SHTN1: variants seen among roughly 807,000 people sequenced by gnomAD.
SHTN1 encodes the protein shootin 1.
A neutral mutation model predicts 83.1 loss-of-function variants in SHTN1; 42 were observed. That is an observed-to-expected ratio of 0.51 (90% CI 0.39 to 0.65). The LOEUF (loss-of-function observed/expected upper bound fraction) is 0.65. Ranked by LOEUF, SHTN1 falls within the 30% of genes least tolerant of loss-of-function variation. The pLI, the probability that SHTN1 is intolerant of heterozygous loss-of-function variation, is 0.00. For synonymous variants in SHTN1, 224 were observed against 247.7 expected, an observed-to-expected ratio of 0.90 and a Z score of 0.90; for missense variants, 622 against 737.8, an observed-to-expected ratio of 0.84 and a Z score of 1.82.
At chr10:116,911,554 G>C in intron 14 of SHTN1, 1 of 1,550,656 alleles carries the variant, frequency 6.4e-7, no homozygotes. Context: ...AGGAAACAAT[G>C]ACTTTGGTGA....
chr10:116,979,419 G>A lies in SHTN1; in HGVS notation c.59-111C>T. 4.9e-6 allele frequency: 4 copies of A among 810,104 alleles called. No individual in the cohort carries two copies. The South Asian group carries it at 5.8e-5, about 12-fold the overall frequency. The allele number at this position is 810,104 out of a possible 1,614,324, so 50.2% of individuals were successfully genotyped here. A position where few individuals can be genotyped will look rare whatever the true frequency, so the allele number is the denominator to read the frequency against. ...CTTCTTACTAGGTTGAGGTAGGGTGGAGAAGAGGCTGCAGAAAAGGGGCTT... is the reference window on the plus strand; with the variant it reads ...CTTCTTACTAGGTTGAGGTAGGGTGAAGAAGAGGCTGCAGAAAAGGGGCTT... On this transcript the variant is annotated intron_variant, in intron 1 of 16. Coordinates refer to ENST00000355371, the MANE Select transcript of SHTN1 (RefSeq NM_001127211.3).
intron 2 of SHTN1, among the ~76,000 whole-genome samples, chr10:117,047,581 A>T (rs1010300736): frequency 6.6e-6 from 1 of 152,168 alleles, no homozygotes; most frequent in Non-Finnish European, 1.5e-5. Context: ...TAATTCTCAG[A>T]TACAGTAGTT....
At chr10:117,111,474 A>G (rs1041623764) in intron 1 of SHTN1, among the ~76,000 whole-genome samples, 1 of 151,580 alleles carries the variant, frequency 6.6e-6, no homozygotes, top group Admixed American at 6.6e-5. Context: ...TTGTATTTTT[A>G]GTAGAGACGG....
chr10:116,891,425 C>T (rs751349727), intron 16 of SHTN1, among the ~76,000 whole-genome samples: 6 of 152,144 alleles, frequency 3.9e-5, no homozygotes, highest in Admixed American at 1.3e-4. Flanking sequence ...CAACAAATGA[C>T]GCACAGCCGG....
At chr10:117,021,597 A>G (rs1259386081) in intron 2 of SHTN1, among the ~76,000 whole-genome samples, 1 of 152,178 alleles carries the variant, frequency 6.6e-6, no homozygotes, top group Non-Finnish European at 1.5e-5. Context: ...CCACAATCTA[A>G]TTTTAGTGGC....
At chr10:116,899,659 C>T (rs1564865213) in intron 16 of SHTN1, among the ~76,000 whole-genome samples, 2 of 152,108 alleles carry the variant, frequency 1.3e-5, no homozygotes, top group Admixed American at 6.6e-5. Context: ...GCGCCACTCA[C>T]GTGAAACACT....
intron 2 of SHTN1, among the ~76,000 whole-genome samples, chr10:116,976,689 A>C (rs951763228): frequency 1.3e-5 from 2 of 152,164 alleles, no homozygotes; most frequent in Non-Finnish European, 2.9e-5. Flanking sequence ...TACTCATTCT[A>C]CACTCTATAA....
intron 4 of SHTN1, among the ~76,000 whole-genome samples, chr10:116,958,710 ATAAAG>A (rs1171890814): frequency 1.3e-5 from 2 of 152,216 alleles, no homozygotes; most frequent in Admixed American, 6.5e-5. Flanking sequence ...GGGAGACAGA[ATAAAG>A]TAATTTTTTA....
intron 1 of SHTN1, among the ~76,000 whole-genome samples, chr10:117,074,894 A>G (rs759803826): frequency 9.9e-5 from 15 of 152,182 alleles, no homozygotes; most frequent in Non-Finnish European, 2.2e-4. Context: ...GGTCAAAGCT[A>G]AGGCTCTATA....
At chr10:116,978,666 G>A (rs1222992051) in intron 2 of SHTN1, among the ~76,000 whole-genome samples, 1 of 151,716 alleles carries the variant, frequency 6.6e-6, no homozygotes, top group Non-Finnish European at 1.5e-5. Flanking sequence ...CAGTGATAAG[G>A]ATATAGTTTG....
At position 116,972,530 on chromosome 10, in the gene SHTN1, T is replaced by C. The variant is rs1199397439; in HGVS notation, c.112-3818A>G. On this transcript the variant is annotated intron_variant, in intron 2 of 16. Transcript: ENST00000355371. ...ATCTTGCAAACTTTCTCTCATTCTA[T>C]CAACAGAGGGAAGTCAGCCAGGATA... is the stretch of plus-strand genomic sequence containing the variant. Among the ~76,000 whole-genome samples, 4 of 152,332 alleles carry C rather than the reference T, an allele frequency of 2.6e-5. No homozygotes were observed. In the East Asian group the frequency reaches 7.7e-4, roughly 29 times the overall value.
At chr10:117,085,649 GT>G (rs1304280496) in intron 1 of SHTN1, among the ~76,000 whole-genome samples, 1 of 152,104 alleles carries the variant, frequency 6.6e-6, no homozygotes, top group Non-Finnish European at 1.5e-5. Flanking sequence ...TGGTGATGGG[GT>G]TCAGTTCAAC....
At chr10:117,004,464 T>C (rs892842500) in intron 1 of SHTN1, among the ~76,000 whole-genome samples, 1 of 152,004 alleles carries the variant, frequency 6.6e-6, no homozygotes, top group African/African-American at 2.4e-5. Context: ...GATGTTGACC[T>C]TGCTGACTAA....
Position 116,896,005 on chromosome 10 carries a change from C to T in SHTN1, c.1673+5760G>A, listed in dbSNP as rs371695251. Among the ~76,000 whole-genome samples, 16 of 152,260 alleles carry T rather than the reference C, an allele frequency of 1.1e-4. No individual in the cohort carries two copies. In the South Asian group the frequency reaches 1.2e-3, roughly 12 times the overall value. ...CCAAACTGGAAGCTGGTTCCATTAC[C>T]GATAGCCTCCATCTATAGCTAACAT... On this transcript the variant is annotated intron_variant, in intron 16 of 16. Transcript: ENST00000355371.
intron 1 of SHTN1, among the ~76,000 whole-genome samples, chr10:116,982,747 T>C (rs1851071915): frequency 6.6e-6 from 1 of 151,914 alleles, no homozygotes; most frequent in East Asian, 1.9e-4. Context: ...TCACTTGAGG[T>C]CAAGAGTTCA....
At chr10:116,968,619 T>A in intron 3 of SHTN1, 33 bp downstream of exon 3, 1 of 1,493,712 alleles carries the variant, frequency 6.7e-7, no homozygotes, top group Non-Finnish European at 9.3e-7. Flanking sequence ...AGGCTATATG[T>A]GTTATAATAA....
intron 1 of SHTN1, among the ~76,000 whole-genome samples, chr10:117,072,290 T>C (rs979856242): frequency 5.3e-5 from 8 of 152,124 alleles, no homozygotes; most frequent in Admixed American, 2.6e-4. Context: ...GACTTTGTGA[T>C]TGTGGTTCCA....
At chr10:116,899,506 G>GGTGTGTGTGTGTGTGTGTGTGTGTGTGT (rs370396879) in intron 16 of SHTN1, among the ~76,000 whole-genome samples, 14 of 124,578 alleles carry the variant, frequency 1.1e-4, no homozygotes, top group African/African-American at 3.8e-4. Flanking sequence ...GGCTGGGGCT[G>GGTGTGTGTGTGTGTGTGTGTGTGTGTGT]GTGTGTGTGT....
intron 1 of SHTN1, among the ~76,000 whole-genome samples, chr10:117,125,877 C>T (rs1422861698): frequency 1.3e-5 from 2 of 152,202 alleles, no homozygotes; most frequent in Non-Finnish European, 2.9e-5. Context: ...GCCAGACCCT[C>T]AGTAAAATGG....
Sources: allele counts gnomAD v4.1 joint callset (sites outside exome capture counted in the v4.1 genomes callset), GRCh38; gene constraint gnomAD v4.1.1; transcripts MANE v1.5; gene names NCBI Gene and HGNC (gene_info 2026-07-23, HGNC 2026-07-21).